FXYD7: variants seen among roughly 807,000 people sequenced by gnomAD.
FXYD7 encodes the protein FXYD domain containing ion transport regulator 7, also known as FXYD domain-containing ion transport regulator 7.
In FXYD7, 7 loss-of-function variants were observed where a neutral mutation model predicts 15.3. The ratio of observed to expected loss-of-function variants is 0.46; its 90% CI spans 0.26 to 0.86. The LOEUF (loss-of-function observed/expected upper bound fraction) is 0.86, where lower values mean the gene tolerates loss of function less well. Ranked by LOEUF, FXYD7 falls within the 40% of genes least tolerant of loss-of-function variation. The pLI is 0.16. For synonymous variants in FXYD7, 39 were observed against 39.3 expected, an observed-to-expected ratio of 0.99 and a Z score of 0.03; for missense variants, 78 against 100.6, an observed-to-expected ratio of 0.78 and a Z score of 0.96.
chr19:35,147,249 A>C (rs1201346877), intron 1 of FXYD7, among the ~76,000 whole-genome samples: 1 of 152,154 alleles, frequency 6.6e-6, no homozygotes, highest in East Asian at 1.9e-4. Context: ...ACATGGCCCT[A>C]CCCAACCTCC....
intron 2 of FXYD7, chr19:35,148,984 G>A: frequency 1.6e-6 from 1 of 626,032 alleles, no homozygotes; most frequent in Non-Finnish European, 3.0e-6. Flanking sequence ...CGCCAGAGAA[G>A]CAGATGAAGG....
At chr19:35,145,350 G>A (rs536228566) in intron 1 of FXYD7, among the ~76,000 whole-genome samples, 32 of 152,338 alleles carry the variant, frequency 2.1e-4, no homozygotes, top group Non-Finnish European at 2.9e-4. Context: ...CCAGGTTGCC[G>A]GGGCAGCAGG....
chr19:35,149,237 G>T (rs771891582), intron 2 of FXYD7: 50 of 352,776 alleles, frequency 1.4e-4, no homozygotes, highest in Non-Finnish European at 2.3e-4. Flanking sequence ...TCGGGCTCCA[G>T]TTTCCCCTCT....
chr19:35,154,146 C>A lies in FXYD7; in HGVS notation c.*230C>A. On this transcript the variant is annotated 3_prime_UTR_variant, in exon 6 of 6. Coordinates refer to ENST00000270310, the MANE Select transcript of FXYD7 (RefSeq NM_022006.2). ...CAGACCCAGGGCCTCAGGCCTCCAG[C>A]TCCTGGGATCCGGGAGTCCATCCCG... 3.7e-6 allele frequency: 2 copies of A among 539,456 alleles called. No homozygotes were observed. The highest frequency in any genetic ancestry group is 6.5e-6 in the Non-Finnish European group (2 of 305,698). The allele number at this position is 539,456 out of a possible 1,614,324, so 33.4% of individuals were successfully genotyped here. A position where few individuals can be genotyped will look rare whatever the true frequency, so the allele number is the denominator to read the frequency against.
At chr19:35,152,383 A>G (rs1245409101) in intron 5 of FXYD7, among the ~76,000 whole-genome samples, 2 of 151,832 alleles carry the variant, frequency 1.3e-5, no homozygotes, top group African/African-American at 4.8e-5. Context: ...ATCAGGAGGG[A>G]GAGAGAGGGA....
chr19:35,144,136 C>T (rs562106236), intron 1 of FXYD7, among the ~76,000 whole-genome samples: 143 of 151,878 alleles, frequency 9.4e-4, no homozygotes, highest in African/African-American at 3.4e-3. Context: ...GGGAGAGAGA[C>T]GGACCCATGG....
chr19:35,149,098 G>A (rs1367174549), intron 2 of FXYD7: 1 of 472,694 alleles, frequency 2.1e-6, no homozygotes, highest in African/African-American at 2.0e-5. Context: ...TTGCCTCTCT[G>A]GGCCCTTCTG....
At chr19:35,152,134 C>CAAAAAAAAAAAAAG (rs2065313056) in intron 5 of FXYD7, among the ~76,000 whole-genome samples, 1 of 45,138 alleles carries the variant, frequency 2.2e-5, no homozygotes, top group African/African-American at 8.7e-5. Context: ...GTGAGACTGT[C>CAAAAAAAAAAAAAG]AAAAAAAAAA....
rs565866027 is a variant in FXYD7, at chr19:35,144,438, A to G, written c.31+1074A>G. 2.4e-4 allele frequency among the ~76,000 whole-genome samples: 36 copies of G among 152,334 alleles called. 1 individual carries two copies. The South Asian group carries it at 5.8e-3, about 25-fold the overall frequency. On this transcript the variant is annotated intron_variant, in intron 1 of 5. Transcript: ENST00000270310. ...CCCCCACTGCTAATCCTGCTTCTGC[A>G]GATGAGCAAGGCACAGACTGCTTCA...
At position 35,153,952 on chromosome 19, in the gene FXYD7, T is replaced by G; in HGVS notation, c.*36T>G. On this transcript the variant is annotated 3_prime_UTR_variant, in exon 6 of 6. Transcript: ENST00000270310. ...AGGAAACTCCGCTGCCGACCCTGCC[T>G]GAGCGCGGGAGCCTGAGGACCGGGT... The G allele has an allele frequency of 1.2e-6, 2 of 1,605,056 alleles. No homozygotes were observed. Among genetic ancestry groups the G allele is most frequent in the Non-Finnish European group, 1.7e-6 (2 of 1,174,788 alleles).
At chr19:35,148,909 G>GA (rs764282548) in intron 2 of FXYD7, 186 bp downstream of exon 2, 5 of 728,606 alleles carry the variant, frequency 6.9e-6, no homozygotes, top group Non-Finnish European at 1.3e-5. Context: ...GGGGAGTGGG[G>GA]ATGCCTCACA....
chr19:35,144,221 T>A (rs2065280264), intron 1 of FXYD7, among the ~76,000 whole-genome samples: 1 of 152,024 alleles, frequency 6.6e-6, no homozygotes, highest in Non-Finnish European at 1.5e-5. Flanking sequence ...AGACCCTATG[T>A]GTGGGAATGG....
chr19:35,148,652 G>GT (rs770542537), intron 1 of FXYD7, 42 bp from the exon 2 acceptor site: 33,977 of 1,231,942 alleles, frequency 0.028, no homozygotes, highest in South Asian at 0.032. Flanking sequence ...ACACTGTTAA[G>GT]TTTTTTTTTT....
chr19:35,151,112 C>T (rs1418556892), intron 2 of FXYD7, 142 bp from the exon 3 acceptor site: 4 of 717,652 alleles, frequency 5.6e-6, no homozygotes, highest in African/African-American at 3.5e-5. Context: ...CTCACATCAA[C>T]CCCCTGAAGG....
At chr19:35,151,602 C>T (rs1286324082) in intron 4 of FXYD7, 31 bp from the exon 5 acceptor site, 2 of 1,608,880 alleles carry the variant, frequency 1.2e-6, no homozygotes, top group South Asian at 2.2e-5. Context: ...GAACCTCTTT[C>T]TACTTTTCTC....
At chr19:35,144,803 C>A in intron 1 of FXYD7, among the ~76,000 whole-genome samples, 1 of 152,158 alleles carries the variant, frequency 6.6e-6, no homozygotes, top group Admixed American at 6.5e-5. Context: ...ACTCCTCAAC[C>A]CAACCTCCTC....
At position 35,153,911 on chromosome 19, in the gene FXYD7, G is replaced by T; in HGVS notation, c.238G>T (p.Val80Leu). Residue 80 changes from valine (V) to leucine (L), a missense_variant, in exon 6 of 6, where the codon GTG becomes TTG. Transcript: ENST00000270310. Reference sequence around the variant, plus strand: ...CTCCCCAGCCCCTGGTGGCGGCGGCGTGTAACACCTTCCCGAGGAAACTCC... The same window carrying T: ...CTCCCCAGCCCCTGGTGGCGGCGGCTTGTAACACCTTCCCGAGGAAACTCC... ...LPSSAPGGGG[V>L] 1.2e-6 allele frequency: 2 copies of T among 1,612,322 alleles called. No homozygotes were observed. Among genetic ancestry groups the T allele is most frequent in the East Asian group, 4.5e-5 (2 of 44,778 alleles).
intron 5 of FXYD7, among the ~76,000 whole-genome samples, chr19:35,152,422 CA>C (rs2065314683): frequency 6.6e-6 from 1 of 151,154 alleles, no homozygotes; most frequent in Non-Finnish European, 1.5e-5. Context: ...AGAGGCTTTC[CA>C]GACTTGATCG....
intron 5 of FXYD7, 88 bp from the exon 6 acceptor site, chr19:35,153,806 T>C (rs1369984563): frequency 1.7e-5 from 21 of 1,265,184 alleles, no homozygotes; most frequent in Non-Finnish European, 2.1e-5. Context: ...CTGGCTTCCA[T>C]GGTGCCGGGG....
Sources: gnomAD v4.1 joint callset for allele counts (sites outside exome capture counted in the v4.1 genomes callset) on GRCh38, gnomAD v4.1.1 for gene constraint, MANE v1.5 for transcripts, NCBI Gene and HGNC (gene_info 2026-07-23, HGNC 2026-07-21) for gene names.